VAT1L: variants seen among roughly 807,000 people sequenced by gnomAD.
VAT1L encodes putative NADPH-dependent quinone oxidoreductase VAT1L.
A neutral mutation model predicts 44.1 loss-of-function variants in VAT1L; 34 were observed. The ratio of observed to expected loss-of-function variants is 0.77; its 90% confidence interval spans 0.59 to 1.03. The LOEUF is 1.03. Ranked by LOEUF, VAT1L falls within the 50% of genes least tolerant of loss-of-function variation. The pLI is 0.00. For synonymous variants in VAT1L, 253 were observed against 202.2 expected, an observed-to-expected ratio of 1.25 and a Z score of -2.13; for missense variants, 615 against 538.8, an observed-to-expected ratio of 1.14 and a Z score of -1.40.
intron 1 of VAT1L, among the ~76,000 whole-genome samples, chr16:77,816,437 G>C (rs767710649): frequency 1.3e-5 from 2 of 152,168 alleles, no homozygotes; most frequent in African/African-American, 2.4e-5. Flanking sequence ...AGAGGTGGTT[G>C]GTTGTTTTGA....
At chr16:77,975,523 C>T (rs1433835056) in intron 8 of VAT1L, among the ~76,000 whole-genome samples, 1 of 152,082 alleles carries the variant, frequency 6.6e-6, no homozygotes, top group Non-Finnish European at 1.5e-5. Context: ...TGACCAGTCT[C>T]AGCCCTCACT....
intron 7 of VAT1L, chr16:77,892,540 C>T: frequency 1.7e-6 from 1 of 583,110 alleles, no homozygotes; most frequent in Non-Finnish European, 3.4e-6. Context: ...GTGCTCTAAG[C>T]CCTGGAGAGG....
rs1012237660 is a variant in VAT1L, at chr16:77,894,509, G to A, written c.1077+9707G>A. On this transcript the variant is annotated intron_variant, in intron 7 of 8. Coordinates refer to ENST00000302536, the MANE Select transcript of VAT1L (RefSeq NM_020927.3). Reference sequence around the variant, plus strand: ...CCAGCCAGGAGGAACAGAGGTCACAGGAGGGCTATTTAGAAAGCCAATTCG... The same window carrying A: ...CCAGCCAGGAGGAACAGAGGTCACAAGAGGGCTATTTAGAAAGCCAATTCG... 8.5e-5 allele frequency among the ~76,000 whole-genome samples: 13 copies of A among 152,202 alleles called. No homozygotes were observed. The South Asian group carries it at 2.5e-3, about 29-fold the overall frequency.
rs201862970 is a variant in VAT1L, at chr16:77,887,088, T to C, written c.1077+2286T>C. 3.9e-5 allele frequency among the ~76,000 whole-genome samples: 6 copies of C among 152,262 alleles called. No homozygotes were observed. The East Asian group carries it at 9.7e-4, about 25-fold the overall frequency. On this transcript the variant is annotated intron_variant, in intron 7 of 8. Transcript: ENST00000302536. ...GAGGGAAGGTTTCTCTCAATAGGTA[T>C]CATTGGAGCTGGAACATGAAAGAGG...
intron 4 of VAT1L, among the ~76,000 whole-genome samples, chr16:77,868,809 A>G (rs570216433): frequency 2.0e-5 from 3 of 152,084 alleles, no homozygotes; most frequent in South Asian, 2.1e-4. Context: ...TCATTCTGCT[A>G]TCGGTGGCGC....
intron 8 of VAT1L, among the ~76,000 whole-genome samples, chr16:77,974,267 G>C (rs1173920614): frequency 6.6e-6 from 1 of 152,184 alleles, no homozygotes; most frequent in Non-Finnish European, 1.5e-5. Flanking sequence ...CCTCTTTGTA[G>C]TCTTTAAACA....
intron 7 of VAT1L, among the ~76,000 whole-genome samples, chr16:77,941,909 T>C (rs760909563): frequency 3.8e-4 from 58 of 152,126 alleles, no homozygotes; most frequent in Admixed American, 6.6e-4. Flanking sequence ...CTTTGCACAA[T>C]GGTTGAGCTA....
intron 3 of VAT1L, among the ~76,000 whole-genome samples, chr16:77,860,902 A>G (rs889254278): frequency 4.6e-5 from 7 of 152,244 alleles, no homozygotes; most frequent in African/African-American, 1.7e-4. Context: ...TTTGCTTAAA[A>G]TGTCAAAATA....
At chr16:77,822,187 T>C (rs2016463146) in intron 2 of VAT1L, among the ~76,000 whole-genome samples, 1 of 152,106 alleles carries the variant, frequency 6.6e-6, no homozygotes, top group Non-Finnish European at 1.5e-5. Flanking sequence ...CAGGCTGGAG[T>C]GCAATGGTGC....
chr16:77,835,484 A>T (rs1400770383), intron 3 of VAT1L, among the ~76,000 whole-genome samples: 1 of 152,158 alleles, frequency 6.6e-6, no homozygotes, highest in Non-Finnish European at 1.5e-5. Flanking sequence ...TCAAGGCCCC[A>T]ACTAGCAGGC....
At chr16:77,839,534 TCAAAAAAAAAAAAAAA>T (rs2016680159) in intron 3 of VAT1L, among the ~76,000 whole-genome samples, 1 of 8,580 alleles carries the variant, frequency 1.2e-4, no homozygotes. Flanking sequence ...ATACTCCATA[TCAAAAAAAAAAAAAAA>T]AAAAAAAAAA....
intron 7 of VAT1L, among the ~76,000 whole-genome samples, chr16:77,971,393 C>T (rs2018276416): frequency 6.6e-6 from 1 of 152,142 alleles, no homozygotes; most frequent in Non-Finnish European, 1.5e-5. Flanking sequence ...TGAGAATTTT[C>T]CTGAGTTCAG....
Position 77,925,740 on chromosome 16 carries a change from G to C in VAT1L, c.1077+40938G>C, listed in dbSNP as rs147976815. Among the ~76,000 whole-genome samples the C allele has an allele frequency of 8.8e-4, 134 of 152,212 alleles. 1 individual carries two copies. The East Asian group carries it at 0.017, about 20-fold the overall frequency. ...AGGAAATTGAAAGAATAAAATAGAT[G>C]GTGATCCTGCAGAGTTGTTGCTGGG... On this transcript the variant is annotated intron_variant, in intron 7 of 8. Transcript: ENST00000302536.
At chr16:77,970,904 G>C (rs897471558) in intron 7 of VAT1L, among the ~76,000 whole-genome samples, 2 of 152,180 alleles carry the variant, frequency 1.3e-5, no homozygotes, top group African/African-American at 4.8e-5. Flanking sequence ...TTTAACCATA[G>C]CATCTAGGCT....
In VAT1L at chr16:77,926,110, A is replaced by G. The variant is rs77131001; in HGVS notation, c.1077+41308A>G. Among the ~76,000 whole-genome samples the G allele has an allele frequency of 3.6e-3, 537 of 149,866 alleles. 3 individuals carry two copies. The highest frequency in any genetic ancestry group is 0.012 in the African/African-American group (479 of 41,374). On this transcript the variant is annotated intron_variant, in intron 7 of 8. Transcript: ENST00000302536. ...ACCCCGTCTCTACTAAAAATTAGCC[A>G]GGCATGGTGGCGGGCGCCTGTAGTC...
intron 3 of VAT1L, among the ~76,000 whole-genome samples, chr16:77,841,858 C>G (rs2016709472): frequency 6.6e-6 from 1 of 152,032 alleles, no homozygotes; most frequent in African/African-American, 2.4e-5. Context: ...CTTTATCCAT[C>G]AGGAGAAGCT....
At chr16:77,801,356 C>T (rs1048315303) in intron 1 of VAT1L, 6 of 152,014 alleles carry the variant, frequency 3.9e-5, no homozygotes, top group African/African-American at 9.7e-5. Context: ...AGGAGATTCC[C>T]GAGCTAAAAA....
At chr16:77,792,124 G>C (rs771512168) in intron 1 of VAT1L, among the ~76,000 whole-genome samples, 1 of 152,168 alleles carries the variant, frequency 6.6e-6, no homozygotes, top group Non-Finnish European at 1.5e-5. Context: ...TTGTTGAAAG[G>C]ATCAGATGCA....
intron 7 of VAT1L, among the ~76,000 whole-genome samples, chr16:77,895,885 C>T (rs553448621): frequency 6.6e-6 from 1 of 152,254 alleles, no homozygotes; most frequent in African/African-American, 2.4e-5. Context: ...AGTGAACAGT[C>T]AGACAATTAT....
Sources: gnomAD v4.1 joint callset for allele counts (sites outside exome capture counted in the v4.1 genomes callset) on GRCh38, gnomAD v4.1.1 for gene constraint, MANE v1.5 for transcripts, NCBI Gene and HGNC (gene_info 2026-07-23, HGNC 2026-07-21) for gene names.